The following REDIC1 variants were observed in gnomAD, a reference collection of about 807,000 sequenced individuals.
The protein encoded by REDIC1 is regulator of DNA class I crossover intermediates 1, also known as HEI10 Interacting Protein 1.
the REDIC1 span, among the ~76,000 whole-genome samples, chr12:39,647,566 CAGG>C: frequency 1.3e-5 from 2 of 151,924 alleles, no homozygotes; most frequent in Non-Finnish European, 2.9e-5. Context: ...TGGAGAGAAG[CAGG>C]AGTAGGGAAG....
the REDIC1 span, among the ~76,000 whole-genome samples, chr12:39,666,682 A>G: frequency 2.6e-5 from 4 of 152,284 alleles, no homozygotes; most frequent in South Asian, 8.3e-4. Flanking sequence ...TTCGGCTGTG[A>G]ATCCATCTGG....
At chr12:39,641,079 A>T in the REDIC1 span, 1 of 1,070,974 alleles carries the variant, frequency 9.3e-7, no homozygotes. Flanking sequence ...CATTCACCTA[A>T]GTGAAACTGG....
At chr12:39,626,385 G>A in the REDIC1 span, 1 of 1,613,972 alleles carries the variant, frequency 6.2e-7, no homozygotes, top group East Asian at 2.2e-5. Context: ...GGAGTTTGAG[G>A]CTGGGACATT....
the REDIC1 span, among the ~76,000 whole-genome samples, chr12:39,843,394 T>C: frequency 2.0e-5 from 3 of 152,026 alleles, no homozygotes; most frequent in Admixed American, 6.6e-5. Context: ...ACAGTAGTGA[T>C]CCAGCCAGCA....
the REDIC1 span, among the ~76,000 whole-genome samples, chr12:39,831,902 C>A: frequency 6.6e-6 from 1 of 152,092 alleles, no homozygotes; most frequent in Admixed American, 6.6e-5. Flanking sequence ...AACGATGAGC[C>A]AATTAATCCT....
chr12:39,748,685 C>T, the REDIC1 span, among the ~76,000 whole-genome samples: 882 of 152,316 alleles, frequency 5.8e-3, 8 homozygotes, highest in African/African-American at 0.02. Flanking sequence ...CACTCCTCAG[C>T]AAATGTAAAA....
chr12:39,684,746 A>G, the REDIC1 span: 2 of 654,812 alleles, frequency 3.1e-6, no homozygotes, highest in Non-Finnish European at 5.2e-6. Context: ...ATGAATCTTT[A>G]TTTTTAAGAA....
At chr12:39,636,140 T>A in the REDIC1 span, among the ~76,000 whole-genome samples, 6 of 152,130 alleles carry the variant, frequency 3.9e-5, no homozygotes. Flanking sequence ...TATCTTCCAC[T>A]GTGTGACTCG....
the REDIC1 span, among the ~76,000 whole-genome samples, chr12:39,766,582 C>CT: frequency 2.6e-5 from 4 of 152,044 alleles, no homozygotes; most frequent in Admixed American, 6.6e-5. Flanking sequence ...AATTGACTGA[C>CT]TTTTCCCTTC....
the REDIC1 span, among the ~76,000 whole-genome samples, chr12:39,702,002 T>G: frequency 6.6e-6 from 1 of 151,796 alleles, no homozygotes; most frequent in African/African-American, 2.4e-5. Context: ...GATCCAAAAT[T>G]GACACCCTAA....
At chr12:39,692,306 A>ATATT in the REDIC1 span, 2 of 431,022 alleles carry the variant, frequency 4.6e-6, no homozygotes, top group Non-Finnish European at 7.7e-6. Context: ...ACATTAATGT[A>ATATT]TAGGTACAGT....
chr12:39,833,798 C>T, the REDIC1 span, among the ~76,000 whole-genome samples: 2 of 150,662 alleles, frequency 1.3e-5, no homozygotes, highest in Non-Finnish European at 2.9e-5. Context: ...ATGGCCTTGT[C>T]TTTGTTGGGG....
chr12:39,830,194 C>T, the REDIC1 span: 3 of 1,613,418 alleles, frequency 1.9e-6, no homozygotes, highest in Admixed American at 1.7e-5. Flanking sequence ...TAGCAGAAAC[C>T]GCAGTCTGGA....
At chr12:39,743,389 A>G in the REDIC1 span, among the ~76,000 whole-genome samples, 269 of 152,182 alleles carry the variant, frequency 1.8e-3, no homozygotes, top group Non-Finnish European at 2.6e-3. Flanking sequence ...ATACCTTACC[A>G]CCATGTCACC....
At chr12:39,702,283 C>T in the REDIC1 span, among the ~76,000 whole-genome samples, 1 of 152,082 alleles carries the variant, frequency 6.6e-6, no homozygotes, top group Non-Finnish European at 1.5e-5. Flanking sequence ...ATACAAACTA[C>T]CATCAGAGAA....
the REDIC1 span, among the ~76,000 whole-genome samples, chr12:39,691,333 A>G: frequency 2.0e-5 from 3 of 152,294 alleles, no homozygotes; most frequent in South Asian, 6.2e-4. Context: ...CTAAAATTCT[A>G]TATCCTACCA....
chr12:39,715,169 T>C, the REDIC1 span, among the ~76,000 whole-genome samples: 1 of 152,064 alleles, frequency 6.6e-6, no homozygotes, highest in Non-Finnish European at 1.5e-5. Flanking sequence ...TTTCCCATGC[T>C]ATCTTCTAGA....
At chr12:39,704,519 C>T in the REDIC1 span, among the ~76,000 whole-genome samples, 1 of 152,164 alleles carries the variant, frequency 6.6e-6, no homozygotes, top group Non-Finnish European at 1.5e-5. Flanking sequence ...TGTGGCGATT[C>T]CTCAGGGATC....
chr12:39,714,056 C>CGTGTATATATATATGTACATGTATAT, the REDIC1 span, among the ~76,000 whole-genome samples: 8 of 8,106 alleles, frequency 9.9e-4, no homozygotes, highest in Non-Finnish European at 3.1e-3. Context: ...CATGTATATA[C>CGTGTATATATATATGTACATGTATAT]ACGTATGTGT....
Sources: gnomAD v4.1 joint callset for allele counts (sites outside exome capture counted in the v4.1 genomes callset) on GRCh38, gnomAD v4.1.1 for gene constraint, MANE v1.5 for transcripts, NCBI Gene and HGNC (gene_info 2026-07-23, HGNC 2026-07-21) for gene names.